Variants in LRRC4C observed in about 807,000 individuals in gnomAD.
LRRC4C encodes the protein leucine-rich repeat-containing protein 4C.
LRRC4C carries 5 observed loss-of-function variants against 33.6 expected under a neutral mutation model. The observed-to-expected ratio is 0.15, with a 90% confidence interval of 0.08 to 0.31. The LOEUF (loss-of-function observed/expected upper bound fraction) is 0.31. Among genes scored for constraint, LRRC4C ranks in the 10% least tolerant of loss-of-function variants. The pLI is 1.00. For missense variants in LRRC4C, 560 were observed against 796.7 expected, an observed-to-expected ratio of 0.70 and a Z score of 3.58; for synonymous variants, 329 against 302.0, an observed-to-expected ratio of 1.09 and a Z score of -0.93.
At chr11:40,712,056 G>T (rs1173633958) in intron 2 of LRRC4C, among the ~76,000 whole-genome samples, 1 of 152,078 alleles carries the variant, frequency 6.6e-6, no homozygotes, top group African/African-American at 2.4e-5. Flanking sequence ...AACACAGGAG[G>T]GCTAAAGGCA....
At chr11:40,204,271 T>C (rs1862983539) in intron 5 of LRRC4C, among the ~76,000 whole-genome samples, 1 of 152,156 alleles carries the variant, frequency 6.6e-6, no homozygotes. Flanking sequence ...CCACCCATTC[T>C]ACACTTGACT....
intron 3 of LRRC4C, among the ~76,000 whole-genome samples, chr11:40,528,248 T>C (rs1292928931): frequency 6.6e-6 from 1 of 152,124 alleles, no homozygotes; most frequent in Admixed American, 6.5e-5. Context: ...AGGAAATCTA[T>C]GGAATGAGGA....
chr11:40,479,037 T>C (rs1338555829), intron 3 of LRRC4C, among the ~76,000 whole-genome samples: 1 of 152,160 alleles, frequency 6.6e-6, no homozygotes, highest in Non-Finnish European at 1.5e-5. Flanking sequence ...TTTGTTTTTA[T>C]TAAAATTATA....
chr11:40,751,626 C>T (rs1027239073), intron 2 of LRRC4C, among the ~76,000 whole-genome samples: 5 of 152,002 alleles, frequency 3.3e-5, no homozygotes, highest in Non-Finnish European at 7.4e-5. Flanking sequence ...AAAAACACAT[C>T]CCATGCTCAT....
intron 1 of LRRC4C, among the ~76,000 whole-genome samples, chr11:41,122,469 C>G (rs1484873672): frequency 6.6e-6 from 1 of 151,818 alleles, no homozygotes; most frequent in East Asian, 1.9e-4. Flanking sequence ...GAAAATAAAG[C>G]CTTGACATTT....
intron 1 of LRRC4C, among the ~76,000 whole-genome samples, chr11:41,377,248 AG>A (rs1238743272): frequency 2.0e-5 from 3 of 152,100 alleles, no homozygotes; most frequent in Admixed American, 1.3e-4. Flanking sequence ...TTTGTGTGTC[AG>A]GCACTAGGCT....
chr11:40,836,899 C>T (rs1342513051), intron 2 of LRRC4C, among the ~76,000 whole-genome samples: 1 of 152,072 alleles, frequency 6.6e-6, no homozygotes, highest in South Asian at 2.1e-4. Flanking sequence ...ATGTCACCTC[C>T]GTATCTATAG....
intron 1 of LRRC4C, among the ~76,000 whole-genome samples, chr11:41,281,077 T>TCTCTCTCTCTCC: frequency 1.8e-5 from 1 of 54,424 alleles, no homozygotes; most frequent in Non-Finnish European, 3.4e-5. Flanking sequence ...TCTCTCTCTG[T>TCTCTCTCTCTCC]CCTCTCTCTC....
Position 40,676,538 on chromosome 11 carries a change from T to C in LRRC4C, c.-406-28260A>G, listed in dbSNP as rs554443244. 5.1e-4 allele frequency among the ~76,000 whole-genome samples: 78 copies of C among 152,348 alleles called. 1 individual carries two copies. The South Asian group carries it at 0.012, about 23-fold the overall frequency. ...ATTTCCTTCAAGCTTCATCAATACC[T>C]GCCTCCTTTTAATTTATTCCTATTA... is the stretch of plus-strand genomic sequence containing the variant. On this transcript the variant is annotated intron_variant, in intron 2 of 6. Transcript: ENST00000528697.
chr11:40,324,420 T>C (rs556966029), intron 3 of LRRC4C, among the ~76,000 whole-genome samples: 42 of 152,304 alleles, frequency 2.8e-4, no homozygotes, highest in African/African-American at 9.1e-4. Context: ...TAGCAGAGAA[T>C]GTCATAGAAA....
At chr11:40,432,071 A>G (rs748968603) in intron 3 of LRRC4C, among the ~76,000 whole-genome samples, 2 of 152,320 alleles carry the variant, frequency 1.3e-5, no homozygotes, top group South Asian at 4.1e-4. Context: ...TCAGACAGGT[A>G]GACAGACCTC....
intron 3 of LRRC4C, among the ~76,000 whole-genome samples, chr11:40,510,455 T>C (rs1484048937): frequency 6.6e-6 from 1 of 152,122 alleles, no homozygotes; most frequent in South Asian, 2.1e-4. Context: ...TTACTCAATA[T>C]TTCCTTTGTG....
At chr11:40,808,678 C>T (rs535355450) in intron 2 of LRRC4C, among the ~76,000 whole-genome samples, 5 of 152,194 alleles carry the variant, frequency 3.3e-5, no homozygotes, top group South Asian at 2.1e-4. Flanking sequence ...GACCCAGTAC[C>T]GCCGGTCAAT....
At chr11:40,889,292 G>T (rs1955597099) in intron 2 of LRRC4C, among the ~76,000 whole-genome samples, 1 of 151,978 alleles carries the variant, frequency 6.6e-6, no homozygotes, top group South Asian at 2.1e-4. Flanking sequence ...TGTTTAATGT[G>T]AATTAAAGAT....
At chr11:40,550,228 A>T (rs116042829) in intron 3 of LRRC4C, among the ~76,000 whole-genome samples, 32 of 152,254 alleles carry the variant, frequency 2.1e-4, no homozygotes, top group African/African-American at 7.5e-4. Flanking sequence ...ATACTGAGGC[A>T]TATGTTTAAT....
At position 40,319,648 on chromosome 11, in the gene LRRC4C, A is replaced by C. The variant is rs2136838042; in HGVS notation, c.-196T>G. ...CTTACCTTAGTAAAATTTCTCCAAC[A>C]GGTATTGATCTTCCTGAGAAAACTC... On this transcript the variant is annotated 5_prime_UTR_variant, in exon 4 of 7. Transcript: ENST00000528697. 6.6e-6 allele frequency: 1 copy of C among 152,330 alleles called. No homozygotes were observed. The highest frequency in any genetic ancestry group is 1.5e-5 in the Non-Finnish European group (1 of 68,034). The allele number at this position is 152,330 out of a possible 1,614,324, so 9.4% of individuals were successfully genotyped here.
chr11:41,037,602 A>G (rs1415118947), intron 1 of LRRC4C, among the ~76,000 whole-genome samples: 1 of 149,272 alleles, frequency 6.7e-6, no homozygotes, highest in Non-Finnish European at 1.5e-5. Context: ...ACACACACAC[A>G]CGCACTAAGA....
At chr11:40,373,639 T>C (rs1948547171) in intron 3 of LRRC4C, among the ~76,000 whole-genome samples, 1 of 152,130 alleles carries the variant, frequency 6.6e-6, no homozygotes, top group Non-Finnish European at 1.5e-5. Context: ...CTGGAGGGGA[T>C]GGTGATTCGA....
rs563159138 is a variant in LRRC4C, at chr11:40,957,068, C to T, written c.-495-23345G>A. Among the ~76,000 whole-genome samples the T allele has an allele frequency of 3.0e-4, 45 of 151,772 alleles. No homozygotes were observed. In the South Asian group the frequency reaches 5.8e-3, roughly 20 times the overall value. ...CAGGAGAGAAAACATGTCACAAAATCGGGAATAAGACCCTTCTCTTTACAT... is the reference window on the plus strand; with the variant it reads ...CAGGAGAGAAAACATGTCACAAAATTGGGAATAAGACCCTTCTCTTTACAT... On this transcript the variant is annotated intron_variant, in intron 1 of 6. Transcript: ENST00000528697.
Sources: gnomAD v4.1 joint callset for allele counts (sites outside exome capture counted in the v4.1 genomes callset) on GRCh38, gnomAD v4.1.1 for gene constraint, MANE v1.5 for transcripts, NCBI Gene and HGNC (gene_info 2026-07-23, HGNC 2026-07-21) for gene names.